Variants in KLF13 observed in about 807,000 individuals in gnomAD.
The protein encoded by KLF13 is KLF transcription factor 13, also known as Krueppel-like factor 13.
KLF13 carries 8 observed loss-of-function variants against 16.7 expected under a neutral mutation model. The ratio of observed to expected loss-of-function variants is 0.48; its 90% CI spans 0.28 to 0.87. The LOEUF is 0.87. Ranked by LOEUF, KLF13 falls within the 40% of genes least tolerant of loss-of-function variation. The probability of loss-of-function intolerance (pLI) is 0.10; values close to 1 mark genes in which losing one functional copy is unlikely to be tolerated. For missense variants in KLF13, 447 were observed against 452.2 expected (o/e 0.99, Z 0.10); for synonymous variants, 245 against 208.4 (o/e 1.18, Z -1.51).
upstream of KLF13, among the ~76,000 whole-genome samples, chr15:31,389,114 CCT>C: frequency 6.6e-6 from 1 of 152,114 alleles, no homozygotes. Context: ...ATCAGCTTCT[CCT>C]CTTTCTTCTC....
intron 1 of KLF13, among the ~76,000 whole-genome samples, chr15:31,428,970 G>T (rs1175647319): frequency 6.6e-6 from 1 of 152,104 alleles, no homozygotes; most frequent in African/African-American, 2.4e-5. Context: ...TTCAGACAAT[G>T]TGTAGTTGGC....
At chr15:31,371,959 G>T in intron 1 of KLF13, 51 bp from the exon 2 acceptor site, 1 of 1,532,054 alleles carries the variant, frequency 6.5e-7, no homozygotes, top group Non-Finnish European at 8.8e-7. Flanking sequence ...CAGAGAGGGT[G>T]TGAAGGCGGG....
chr15:31,327,883 G>C, intron 1 of KLF13, 94 bp downstream of exon 1: 1 of 1,176,592 alleles, frequency 8.5e-7, no homozygotes, highest in Non-Finnish European at 1.1e-6. Flanking sequence ...GGCGCGAGGT[G>C]GGGGCCGGGC....
upstream of KLF13, among the ~76,000 whole-genome samples, chr15:31,391,977 CGGGGGAG>C (rs1350227558): frequency 6.6e-6 from 1 of 152,094 alleles, no homozygotes; most frequent in East Asian, 1.9e-4. Context: ...GGGCCGGAGG[CGGGGGAG>C]CCCTCGGCTG....
intron 1 of KLF13, among the ~76,000 whole-genome samples, chr15:31,414,109 AAT>A (rs1358585921): frequency 6.6e-6 from 1 of 152,192 alleles, no homozygotes; most frequent in Non-Finnish European, 1.5e-5. Context: ...GCTGTATAGG[AAT>A]AGTGTTCTTA....
chr15:31,382,686 G>T (rs990145144), downstream of KLF13, among the ~76,000 whole-genome samples: 2 of 152,286 alleles, frequency 1.3e-5, no homozygotes, highest in East Asian at 3.9e-4. Context: ...CTGCCCTCAG[G>T]GGGGCCCAGT....
intron 1 of KLF13, among the ~76,000 whole-genome samples, chr15:31,339,681 C>T (rs1163620540): frequency 6.6e-6 from 1 of 152,254 alleles, no homozygotes; most frequent in Non-Finnish European, 1.5e-5. Context: ...CAGTGCTGCA[C>T]TCTCCCGCCA....
downstream of KLF13, among the ~76,000 whole-genome samples, chr15:31,406,922 C>G (rs1284719525): frequency 6.6e-6 from 1 of 152,176 alleles, no homozygotes; most frequent in African/African-American, 2.4e-5. Context: ...TATGAGGACT[C>G]TTGTGATTAC....
intron 1 of KLF13, among the ~76,000 whole-genome samples, chr15:31,433,903 G>T (rs1391698227): frequency 2.0e-5 from 3 of 152,224 alleles, no homozygotes; most frequent in Non-Finnish European, 2.9e-5. Flanking sequence ...CTAGCTCAGG[G>T]TCTTATCTGC....
At chr15:31,348,800 T>G (rs997372110) in intron 1 of KLF13, among the ~76,000 whole-genome samples, 4 of 152,198 alleles carry the variant, frequency 2.6e-5, no homozygotes, top group Non-Finnish European at 5.9e-5. Context: ...TTTATTTTCA[T>G]AGTTCTGGAG....
At chr15:31,330,440 A>G (rs114800656) in intron 1 of KLF13, among the ~76,000 whole-genome samples, 2 of 152,212 alleles carry the variant, frequency 1.3e-5, no homozygotes, top group African/African-American at 4.8e-5. Context: ...CTGTTCCTCT[A>G]TGTGACCAGG....
downstream of KLF13, among the ~76,000 whole-genome samples, chr15:31,378,649 G>GCGCTGCATCTGGGCTGTACACT (rs1280404559): frequency 1.0e-3 from 159 of 152,304 alleles, no homozygotes; most frequent in African/African-American, 3.7e-3. Context: ...GCCTCACCCA[G>GCGCTGCATCTGGGCTGTACACT]GGGTAGACCA....
downstream of KLF13, among the ~76,000 whole-genome samples, chr15:31,380,270 C>CTA (rs369567555): frequency 3.8e-3 from 579 of 152,302 alleles, 3 homozygotes; most frequent in African/African-American, 0.013. Context: ...TCAGCATGGA[C>CTA]AACAAGAGCG....
exon 1 of KLF13, chr15:31,393,008 G>C (rs2039896068): frequency 6.6e-6 from 1 of 152,460 alleles, no homozygotes; most frequent in Non-Finnish European, 1.5e-5. Flanking sequence ...AGCACCGCTC[G>C]CTCCAGCCCC....
intron 1 of KLF13, among the ~76,000 whole-genome samples, chr15:31,332,304 T>G (rs1211014737): frequency 6.6e-6 from 1 of 152,260 alleles, no homozygotes; most frequent in Non-Finnish European, 1.5e-5. Context: ...AAATGTTTCC[T>G]TCTCCCAATT....
At chr15:31,422,439 A>G (rs2040339974) in intron 1 of KLF13, among the ~76,000 whole-genome samples, 1 of 152,164 alleles carries the variant, frequency 6.6e-6, no homozygotes, top group East Asian at 1.9e-4. Flanking sequence ...GTAGATGCTT[A>G]TAAAACCATC....
Position 31,327,797 on chromosome 15 carries a change from G to C in KLF13, c.577+8G>C, listed in dbSNP as rs899547232. 7.5e-6 allele frequency: 11 copies of C among 1,471,702 alleles called. No individual in the cohort carries two copies. The highest frequency in any genetic ancestry group is 1.0e-5 in the Non-Finnish European group (11 of 1,100,996). 91.2% of individuals were successfully genotyped at this position (1,471,702 alleles called of 1,614,324 possible). A position where few individuals can be genotyped will look rare whatever the true frequency, so the allele number is the denominator to read the frequency against. The stretch of plus-strand genomic sequence containing the variant: ...ACCTGAGAACTCACACAGGTCAGTG[G>C]GGCGGCGCGGGCGCCCGGATCGCGC... On this transcript the variant is annotated splice_region_variant and intron_variant, in intron 1 of 1. Transcript: ENST00000307145.
chr15:31,432,622 A>AT (rs937690693), intron 1 of KLF13, among the ~76,000 whole-genome samples: 3 of 150,556 alleles, frequency 2.0e-5, no homozygotes, highest in Admixed American at 6.6e-5. Context: ...CTAACTTTTA[A>AT]TTTTTTTTGT....
chr15:31,338,421 TC>T (rs1241112145), intron 1 of KLF13, among the ~76,000 whole-genome samples: 1 of 152,188 alleles, frequency 6.6e-6, no homozygotes, highest in African/African-American at 2.4e-5. Flanking sequence ...GAACAATCGT[TC>T]CACTGGAAGT....
Sources: allele counts gnomAD v4.1 joint callset (sites outside exome capture counted in the v4.1 genomes callset), GRCh38; gene constraint gnomAD v4.1.1; transcripts MANE v1.5; gene names NCBI Gene and HGNC (gene_info 2026-07-23, HGNC 2026-07-21).